PCDH9: variants seen among roughly 807,000 people sequenced by gnomAD.
PCDH9 encodes protocadherin-9.
PCDH9 carries 24 observed loss-of-function variants against 70.6 expected under a neutral mutation model. That is an observed-to-expected ratio of 0.34 (90% CI 0.25 to 0.48). PCDH9 has a LOEUF of 0.48. Among genes scored for constraint, PCDH9 ranks in the 20% least tolerant of loss-of-function variants. The probability of loss-of-function intolerance (pLI) is 0.99; values close to 1 mark genes in which losing one functional copy is unlikely to be tolerated. For synonymous variants in PCDH9, 562 were observed against 558.5 expected (o/e 1.01, Z -0.09); for missense variants, 1,281 against 1,503.6 (o/e 0.85, Z 2.45).
In PCDH9 at chr13:66,631,222, C is replaced by CA; in HGVS notation, c.3327dup (p.Asp1110Ter). On this transcript the variant is annotated frameshift_variant, in exon 4 of 5. Transcript: ENST00000377865. LOFTEE classifies it high-confidence loss of function. ...GAAGGGGACTCACCAGAGTTGGGAT[C>CA]AGAGTTGCCATCTGCTTCAGTCCTC... The CA allele has an allele frequency of 6.3e-7, 1 of 1,587,008 alleles. No homozygotes were observed. Among genetic ancestry groups the CA allele is most frequent in the Non-Finnish European group, 8.7e-7 (1 of 1,155,306 alleles).
chr13:67,063,209 G>C (rs2085573531), intron 2 of PCDH9, among the ~76,000 whole-genome samples: 1 of 152,116 alleles, frequency 6.6e-6, no homozygotes, highest in Non-Finnish European at 1.5e-5. Flanking sequence ...CTATGGCATA[G>C]TGAGGTAGAG....
intron 3 of PCDH9, among the ~76,000 whole-genome samples, chr13:66,805,649 T>G (rs997026537): frequency 2.0e-5 from 3 of 152,146 alleles, no homozygotes; most frequent in Admixed American, 6.6e-5. Context: ...TTTGCCTCCA[T>G]TTCGTATCTT....
chr13:66,416,693 G>A (rs1343682571), intron 4 of PCDH9, among the ~76,000 whole-genome samples: 1 of 152,116 alleles, frequency 6.6e-6, no homozygotes, highest in Non-Finnish European at 1.5e-5. Flanking sequence ...GGAGGTGGAG[G>A]CAAAATGCAC....
intron 2 of PCDH9, among the ~76,000 whole-genome samples, chr13:67,115,329 T>C (rs185016080): frequency 6.6e-6 from 1 of 152,196 alleles, no homozygotes; most frequent in Non-Finnish European, 1.5e-5. Context: ...GCCTCGCACC[T>C]TGAGCCAGCT....
chr13:66,429,430 G>GTT (rs5804281), intron 4 of PCDH9, among the ~76,000 whole-genome samples: 66,742 of 144,776 alleles, frequency 0.46, 15,603 homozygotes, highest in Non-Finnish European at 0.51. Flanking sequence ...TATTTTTTCT[G>GTT]TTTTTTTTTT....
chr13:67,102,368 C>T (rs1277394869), intron 2 of PCDH9, among the ~76,000 whole-genome samples: 1 of 152,120 alleles, frequency 6.6e-6, no homozygotes, highest in Admixed American at 6.6e-5. Context: ...AGGCAAACTA[C>T]ACCTACAATC....
chr13:66,648,133 A>G (rs917620482), intron 3 of PCDH9, among the ~76,000 whole-genome samples: 3 of 152,186 alleles, frequency 2.0e-5, no homozygotes, highest in African/African-American at 7.2e-5. Flanking sequence ...GATAAACTCA[A>G]TGCTCTGAAG....
At chr13:66,461,126 A>G (rs2138452720) in intron 4 of PCDH9, among the ~76,000 whole-genome samples, 1 of 151,956 alleles carries the variant, frequency 6.6e-6, no homozygotes, top group South Asian at 2.1e-4. Flanking sequence ...AAAATAAATT[A>G]ATCGGGAGTC....
rs190292152 is a variant in PCDH9, at chr13:66,856,688, G to A, written c.3138+46816C>T. Among the ~76,000 whole-genome samples the A allele has an allele frequency of 7.2e-4, 110 of 152,068 alleles. 1 individual carries two copies. The highest frequency in any genetic ancestry group is 6.4e-3 in the Admixed American group (97 of 15,228). On this transcript the variant is annotated intron_variant, in intron 3 of 4. Transcript: ENST00000377865. ...GCCCACAAATTAGTAGGCGATGTAAGCCTACCATGGCGTTATAAAAATAAA... is the reference window on the plus strand; with the variant it reads ...GCCCACAAATTAGTAGGCGATGTAAACCTACCATGGCGTTATAAAAATAAA...
intron 2 of PCDH9, among the ~76,000 whole-genome samples, chr13:66,997,099 G>C (rs555878789): frequency 6.6e-6 from 1 of 152,142 alleles, no homozygotes; most frequent in Non-Finnish European, 1.5e-5. Context: ...ATATCCAAAA[G>C]AAACTTATCC....
intron 4 of PCDH9, among the ~76,000 whole-genome samples, chr13:66,443,954 T>G (rs1958022530): frequency 6.6e-6 from 1 of 152,186 alleles, no homozygotes; most frequent in African/African-American, 2.4e-5. Context: ...TTTTCCCTAT[T>G]TAAATTTCAA....
At chr13:66,520,283 G>A (rs12867615) in intron 4 of PCDH9, among the ~76,000 whole-genome samples, 3 of 151,818 alleles carry the variant, frequency 2.0e-5, no homozygotes, top group East Asian at 1.9e-4. Context: ...TTTTTTTTCC[G>A]CTATTTCATT....
At chr13:66,829,717 C>CAAAAGAAAAA (rs2080890402) in intron 3 of PCDH9, among the ~76,000 whole-genome samples, 1 of 53,128 alleles carries the variant, frequency 1.9e-5, no homozygotes, top group Non-Finnish European at 3.2e-5. Flanking sequence ...GACTCCGTCT[C>CAAAAGAAAAA]AAAAAAAAAA....
intron 3 of PCDH9, among the ~76,000 whole-genome samples, chr13:66,658,067 G>A (rs1593849647): frequency 6.6e-6 from 1 of 152,266 alleles, no homozygotes; most frequent in Non-Finnish European, 1.5e-5. Context: ...GATATGCCTA[G>A]GTTATATGCA....
At chr13:66,860,456 T>C (rs974329025) in intron 3 of PCDH9, among the ~76,000 whole-genome samples, 4 of 152,244 alleles carry the variant, frequency 2.6e-5, no homozygotes, top group South Asian at 2.1e-4. Flanking sequence ...TAAGGAGGCA[T>C]TGTGGGAGGC....
chr13:66,665,785 A>T (rs1254983651), intron 3 of PCDH9, among the ~76,000 whole-genome samples: 1 of 152,098 alleles, frequency 6.6e-6, no homozygotes, highest in Non-Finnish European at 1.5e-5. Flanking sequence ...TAATATTTTC[A>T]TCCTTCACGG....
At chr13:67,032,550 C>A (rs142757492) in intron 2 of PCDH9, among the ~76,000 whole-genome samples, 8 of 152,038 alleles carry the variant, frequency 5.3e-5, no homozygotes, top group Admixed American at 5.2e-4. Context: ...TGTAAAAATT[C>A]TTATGGATAT....
intron 4 of PCDH9, among the ~76,000 whole-genome samples, chr13:66,330,678 G>A (rs1254625180): frequency 6.6e-6 from 1 of 152,148 alleles, no homozygotes; most frequent in African/African-American, 2.4e-5. Flanking sequence ...GTATAGTAGA[G>A]TTAAAATATA....
At chr13:66,368,448 C>A (rs986042827) in intron 4 of PCDH9, among the ~76,000 whole-genome samples, 9 of 151,484 alleles carry the variant, frequency 5.9e-5, no homozygotes, top group Admixed American at 2.6e-4. Context: ...AGTGACACCC[C>A]CAATTTTATA....
Sources: allele counts gnomAD v4.1 joint callset (sites outside exome capture counted in the v4.1 genomes callset), GRCh38; gene constraint gnomAD v4.1.1; transcripts MANE v1.5; gene names NCBI Gene and HGNC (gene_info 2026-07-23, HGNC 2026-07-21).